Variants in AGBL4 observed in about 807,000 individuals in gnomAD.
AGBL4 encodes cytosolic carboxypeptidase 6.
A neutral mutation model predicts 66.4 loss-of-function variants in AGBL4; 58 were observed. That is an observed-to-expected ratio of 0.87 (90% CI 0.71 to 1.09). AGBL4 has a LOEUF of 1.09. Ranked by LOEUF, AGBL4 falls within the 50% of genes least tolerant of loss-of-function variation. AGBL4 has a pLI of 0.00. For missense variants in AGBL4, 579 were observed against 631.0 expected (o/e 0.92, Z 0.88); for synonymous variants, 234 against 222.9 (o/e 1.05, Z -0.44).
In AGBL4 at chr1:48,916,653, G is replaced by C. The variant is rs1570993977; in HGVS notation, c.595-49423C>G. Among the ~76,000 whole-genome samples the C allele has an allele frequency of 1.1e-4, 16 of 152,256 alleles. 1 individual carries two copies. The South Asian group carries it at 3.3e-3, about 32-fold the overall frequency. ...GCCTTGCTGATGCCAAATTCCAAAG[G>C]CTGTGCACTCAGAATCTTGAATTTC... On this transcript the variant is annotated intron_variant, in intron 5 of 13. Transcript: ENST00000371839.
chr1:48,761,868 C>T (rs1644271672), intron 6 of AGBL4, among the ~76,000 whole-genome samples: 1 of 152,208 alleles, frequency 6.6e-6, no homozygotes, highest in Non-Finnish European at 1.5e-5. Context: ...AGCCAAGTGT[C>T]TTCCCAGGAG....
chr1:49,307,488 G>A (rs1389195902), intron 3 of AGBL4, among the ~76,000 whole-genome samples: 1 of 152,090 alleles, frequency 6.6e-6, no homozygotes, highest in Admixed American at 6.6e-5. Flanking sequence ...AATCTAATAG[G>A]TTTGATGTGA....
chr1:49,132,190 G>C (rs539156246), intron 4 of AGBL4, among the ~76,000 whole-genome samples: 1 of 152,088 alleles, frequency 6.6e-6, no homozygotes, highest in African/African-American at 2.4e-5. Flanking sequence ...TGGTTAACAC[G>C]ATCAAATTCC....
rs1647097186 is a variant in AGBL4, at chr1:49,190,488, AG to A, written c.377+55281del. Among the ~76,000 whole-genome samples, 10 of 152,330 alleles carry A rather than the reference AG, an allele frequency of 6.6e-5. No individual in the cohort carries two copies. In the South Asian group the frequency reaches 1.9e-3, roughly 28 times the overall value. ...TTTGACTTTGCATTCATCAGAGTAA[AG>A]GGTGGACTGTGTTCCTTTGGTCTCC... On this transcript the variant is annotated intron_variant, in intron 4 of 13. Coordinates refer to ENST00000371839, the MANE Select transcript of AGBL4 (RefSeq NM_032785.4).
intron 4 of AGBL4, 38 bp from the exon 5 acceptor site, chr1:49,045,838 C>T (rs183884293): frequency 1.3e-6 from 2 of 1,499,994 alleles, no homozygotes; most frequent in Non-Finnish European, 1.8e-6. Flanking sequence ...GCATATGAGA[C>T]ATTCGTTCAA....
At chr1:50,016,149 C>T (rs1183425944) in intron 1 of AGBL4, among the ~76,000 whole-genome samples, 2 of 152,160 alleles carry the variant, frequency 1.3e-5, no homozygotes, top group African/African-American at 4.8e-5. Context: ...AACTAAAGAG[C>T]TTCTGCACAG....
chr1:49,688,848 T>A (rs1432714488), intron 3 of AGBL4, among the ~76,000 whole-genome samples: 1 of 152,230 alleles, frequency 6.6e-6, no homozygotes, highest in Non-Finnish European at 1.5e-5. Context: ...CCTTTTCATA[T>A]GCCTGTTTAC....
At chr1:48,724,668 TG>T (rs1647203503) in intron 6 of AGBL4, among the ~76,000 whole-genome samples, 2 of 152,190 alleles carry the variant, frequency 1.3e-5, no homozygotes, top group South Asian at 4.1e-4. Flanking sequence ...CAGTGCAGTT[TG>T]GGGGGTATTT....
At chr1:48,578,863 C>A (rs1448324506) in intron 11 of AGBL4, among the ~76,000 whole-genome samples, 1 of 152,004 alleles carries the variant, frequency 6.6e-6, no homozygotes, top group African/African-American at 2.4e-5. Context: ...ATGAGGGGGT[C>A]AGGGGCAAAA....
chr1:49,112,145 G>C (rs781097766), intron 4 of AGBL4, among the ~76,000 whole-genome samples: 1 of 152,236 alleles, frequency 6.6e-6, no homozygotes, highest in Non-Finnish European at 1.5e-5. Context: ...TCTGAGATTT[G>C]AAGTGATTAA....
chr1:49,655,969 A>C (rs963008876), intron 3 of AGBL4, among the ~76,000 whole-genome samples: 2 of 152,172 alleles, frequency 1.3e-5, no homozygotes, highest in African/African-American at 4.8e-5. Flanking sequence ...CAACCTGGTG[A>C]AACCCCGTCT....
chr1:49,537,741 G>C (rs1651711706), intron 3 of AGBL4, among the ~76,000 whole-genome samples: 1 of 152,084 alleles, frequency 6.6e-6, no homozygotes, highest in African/African-American at 2.4e-5. Context: ...TGGCTAAAAG[G>C]GTGAAACCCC....
intron 3 of AGBL4, among the ~76,000 whole-genome samples, chr1:49,251,303 T>C (rs1483180071): frequency 6.6e-6 from 1 of 152,134 alleles, no homozygotes; most frequent in Non-Finnish European, 1.5e-5. Context: ...CTGGTGTGTG[T>C]CTGCATGGGT....
chr1:48,647,970 A>G (rs920571307), intron 8 of AGBL4, among the ~76,000 whole-genome samples: 3 of 152,184 alleles, frequency 2.0e-5, no homozygotes, highest in African/African-American at 7.2e-5. Context: ...CAAGACTCCT[A>G]GGTCCCAGAT....
At chr1:49,426,776 G>T (rs182162567) in intron 3 of AGBL4, among the ~76,000 whole-genome samples, 2 of 152,266 alleles carry the variant, frequency 1.3e-5, no homozygotes, top group Non-Finnish European at 1.5e-5. Context: ...TCTACAGAAA[G>T]TATTATGTTC....
intron 8 of AGBL4, among the ~76,000 whole-genome samples, chr1:48,650,684 A>G (rs1645914907): frequency 6.6e-6 from 1 of 152,216 alleles, no homozygotes. Context: ...TTCACAGGCC[A>G]TTAGATTGGC....
chr1:49,857,114 T>A (rs1421214351), intron 1 of AGBL4, among the ~76,000 whole-genome samples: 1 of 151,268 alleles, frequency 6.6e-6, no homozygotes, highest in Non-Finnish European at 1.5e-5. Context: ...AATCAAGAAG[T>A]CAATCCCACT....
chr1:49,258,481 G>A (rs1057311587), intron 3 of AGBL4, among the ~76,000 whole-genome samples: 20 of 152,234 alleles, frequency 1.3e-4, no homozygotes, highest in Non-Finnish European at 2.8e-4. Flanking sequence ...GGAGCTGAAA[G>A]CCAAGGCTCG....
chr1:49,215,512 T>A (rs938136933), intron 4 of AGBL4, among the ~76,000 whole-genome samples: 1 of 152,122 alleles, frequency 6.6e-6, no homozygotes, highest in East Asian at 1.9e-4. Context: ...CCAGAATTCC[T>A]ATACATTCTC....
Sources: gnomAD v4.1 joint callset for allele counts (sites outside exome capture counted in the v4.1 genomes callset) on GRCh38, gnomAD v4.1.1 for gene constraint, MANE v1.5 for transcripts, NCBI Gene and HGNC (gene_info 2026-07-23, HGNC 2026-07-21) for gene names.